The following LIPC variants were observed in gnomAD, a reference collection of about 807,000 sequenced individuals.
The protein encoded by LIPC is hepatic triacylglycerol lipase.
Under a neutral mutation model 50.7 loss-of-function variants are expected in LIPC, and 44 were observed. The observed-to-expected ratio is 0.87, with a 90% CI of 0.68 to 1.11. LIPC has a LOEUF of 1.11. LIPC is among the 50% of genes most tolerant of loss of function. The pLI is 0.00. For missense variants in LIPC, 697 were observed against 648.2 expected (o/e 1.08, Z -0.82); for synonymous variants, 271 against 256.4 (o/e 1.06, Z -0.54).
chr15:58,516,247 T>C (rs1354864869), intron 1 of LIPC, among the ~76,000 whole-genome samples: 2 of 141,164 alleles, frequency 1.4e-5, no homozygotes, highest in East Asian at 3.9e-4. Flanking sequence ...CTTTTTTTTT[T>C]TTTTTTTTTT....
At chr15:58,562,388 A>G (rs7170227) in intron 7 of LIPC, among the ~76,000 whole-genome samples, 144,040 of 152,224 alleles carry the variant, frequency 0.95, 68,385 homozygotes, top group Middle Eastern at 0.99. Context: ...CAGTGAGTTC[A>G]TAACCCAGAA....
At position 58,548,519 on chromosome 15, in the gene LIPC, G is replaced by GGAGAAA. The variant is rs1555406209; in HGVS notation, c.1001_1002insAAAGAG (p.Arg333_Ser334insArgLys). ...GGCTACCACGTCCGCCAGGAGCCGC[G>GGAGAAA]GAGCAAGAGCAAGAGGCTCTTCCTC... On this transcript the variant is annotated inframe_insertion, in exon 6 of 9. Transcript: ENST00000299022. 1.2e-6 allele frequency: 2 copies of GGAGAAA among 1,601,682 alleles called. No homozygotes were observed. Among genetic ancestry groups the GGAGAAA allele is most frequent in the Non-Finnish European group, 1.7e-6 (2 of 1,173,786 alleles).
chr15:58,451,564 C>T (rs971323270), intron 1 of LIPC, among the ~76,000 whole-genome samples: 9 of 152,130 alleles, frequency 5.9e-5, no homozygotes, highest in Non-Finnish European at 1.2e-4. Flanking sequence ...GCCAGGTGTC[C>T]ACCCCTGAAT....
Position 58,568,816 on chromosome 15 carries a change from AAGATC to A in LIPC, c.1494_1498del (p.Ile498MetfsTer9). On this transcript the variant is annotated frameshift_variant, in exon 9 of 9. Transcript: ENST00000299022. LOFTEE classifies it high-confidence loss of function. ...AATAAAGTCTAAAACATCAAAGCGA[AAGATC>A]AGATGAGATTTAATGAAGACCCAGT... 3 of 1,589,348 alleles carry A rather than the reference AAGATC, an allele frequency of 1.9e-6. No homozygotes were observed. The highest frequency in any genetic ancestry group is 2.6e-6 in the Non-Finnish European group (3 of 1,159,468).
At position 58,554,630 on chromosome 15, in the gene LIPC, C is replaced by A. The variant is rs958001753; in HGVS notation, c.1051+6058C>A. ...ATAATTAGGACTGGGTGTGGCGGCT[C>A]ACACCTGTAATCCTAACACTTTGGG... On this transcript the variant is annotated intron_variant, in intron 6 of 8. Coordinates refer to ENST00000299022, the MANE Select transcript of LIPC (RefSeq NM_000236.3). Among the ~76,000 whole-genome samples, 9 of 151,176 alleles carry A rather than the reference C, an allele frequency of 6.0e-5. No homozygotes were observed. In the South Asian group the frequency reaches 8.3e-4, roughly 14 times the overall value.
At chr15:58,527,887 G>T (rs1034608307) in intron 1 of LIPC, among the ~76,000 whole-genome samples, 2 of 152,150 alleles carry the variant, frequency 1.3e-5, no homozygotes, top group Non-Finnish European at 1.5e-5. Flanking sequence ...GTCCGCACAT[G>T]GGGAAGCCCT....
At chr15:58,506,473 G>C (rs1283282781) in intron 1 of LIPC, among the ~76,000 whole-genome samples, 2 of 152,144 alleles carry the variant, frequency 1.3e-5, no homozygotes, top group Non-Finnish European at 2.9e-5. Flanking sequence ...GGCAAAGCAG[G>C]TGCTGATGAG....
Position 58,548,343 on chromosome 15 carries a change from C to T in LIPC, c.822C>T (p.Thr274=), listed in dbSNP as rs1299468153. Residue 274 remains threonine, a synonymous_variant, in exon 6 of 9, where the codon ACC becomes ACT. Transcript: ENST00000299022. ...AQHGFNAITQ[T]IKCSHERSVH... is the part of the protein sequence containing the mutation. ...CCTGTGTTCCAGCCATCACCCAGAC[C>T]ATAAAATGCTCCCACGAGCGATCGG... 1.2e-6 allele frequency: 2 copies of T among 1,614,098 alleles called. No homozygotes were observed. The highest frequency in any genetic ancestry group is 1.7e-6 in the Non-Finnish European group (2 of 1,180,022).
chr15:58,487,657 G>C (rs1433718332), intron 1 of LIPC, among the ~76,000 whole-genome samples: 4 of 152,178 alleles, frequency 2.6e-5, no homozygotes, highest in African/African-American at 9.7e-5. Flanking sequence ...CCATCATCCA[G>C]AAATAGCTTT....
At chr15:58,475,526 C>T (rs147021683) in intron 1 of LIPC, among the ~76,000 whole-genome samples, 143 of 152,304 alleles carry the variant, frequency 9.4e-4, no homozygotes, top group Admixed American at 3.5e-3. Context: ...TCAGATCTTC[C>T]CTGAACCACC....
chr15:58,464,149 C>A (rs1476726776), intron 1 of LIPC, among the ~76,000 whole-genome samples: 1 of 152,022 alleles, frequency 6.6e-6, no homozygotes, highest in Non-Finnish European at 1.5e-5. Context: ...CACCTGTCAC[C>A]CTCCCAACCC....
chr15:58,554,663 T>G (rs11071389), intron 6 of LIPC, among the ~76,000 whole-genome samples: 108,498 of 151,618 alleles, frequency 0.72, 39,491 homozygotes, highest in Middle Eastern at 0.83. Context: ...GGGAGGCCAA[T>G]GCAGGAGGAT....
rs576472088 is a variant in LIPC, at chr15:58,444,760, C to T, written c.88+12640C>T. ...CCAAAAGCAGTCACATTCTGAGGTA[C>T]TGAGGGTTAGAACTTCAATGTATGA... On this transcript the variant is annotated intron_variant, in intron 1 of 8. Coordinates refer to ENST00000299022, the MANE Select transcript of LIPC (RefSeq NM_000236.3). 2.6e-5 allele frequency among the ~76,000 whole-genome samples: 4 copies of T among 152,300 alleles called. No homozygotes were observed. In the East Asian group the frequency reaches 5.8e-4, roughly 22 times the overall value.
At chr15:58,542,712 C>T (rs1893376517) in intron 4 of LIPC, 61 bp downstream of exon 4, 3 of 1,114,474 alleles carry the variant, frequency 2.7e-6, no homozygotes, top group African/African-American at 3.1e-5. Context: ...CAACAAGGAC[C>T]TGCTTTTCCA....
chr15:58,523,345 C>T (rs1347024995), intron 1 of LIPC: 1 of 150,912 alleles, frequency 6.6e-6, no homozygotes, highest in Non-Finnish European at 1.5e-5. Flanking sequence ...AAACTGACCC[C>T]CTGACCTATT....
At chr15:58,527,112 C>T (rs1177279809) in intron 1 of LIPC, among the ~76,000 whole-genome samples, 1 of 152,186 alleles carries the variant, frequency 6.6e-6, no homozygotes, top group Non-Finnish European at 1.5e-5. Flanking sequence ...GATACAGGTC[C>T]AAAAGAATAT....
At chr15:58,441,913 T>C (rs1423644569) in intron 1 of LIPC, among the ~76,000 whole-genome samples, 2 of 152,152 alleles carry the variant, frequency 1.3e-5, no homozygotes, top group Non-Finnish European at 2.9e-5. Context: ...CAAACACAGA[T>C]GTGGAGGGTC....
intron 1 of LIPC, among the ~76,000 whole-genome samples, chr15:58,470,201 A>C (rs1228369342): frequency 1.3e-5 from 2 of 152,128 alleles, no homozygotes; most frequent in East Asian, 3.9e-4. Context: ...CAAAGTGCTG[A>C]GATTACAGGC....
intron 1 of LIPC, among the ~76,000 whole-genome samples, chr15:58,517,294 G>T (rs7174210): frequency 0.18 from 27,603 of 152,238 alleles, 3,043 homozygotes; most frequent in African/African-American, 0.32. Flanking sequence ...TTGCCTCTCA[G>T]AGAGAATTGT....
Sources: allele counts gnomAD v4.1 joint callset (sites outside exome capture counted in the v4.1 genomes callset), GRCh38; gene constraint gnomAD v4.1.1; transcripts MANE v1.5; gene names NCBI Gene and HGNC (gene_info 2026-07-23, HGNC 2026-07-21).